The following ZC3H7B variants were observed in gnomAD, a reference collection of about 807,000 sequenced individuals.
The protein encoded by ZC3H7B is zinc finger CCCH domain-containing protein 7B.
A neutral mutation model predicts 116.0 loss-of-function variants in ZC3H7B; 35 were observed. That is an observed-to-expected ratio of 0.30 (90% CI 0.23 to 0.40). The LOEUF (loss-of-function observed/expected upper bound fraction) is 0.40. ZC3H7B is among the 10% of genes least tolerant of loss of function. ZC3H7B has a pLI of 1.00. For synonymous variants in ZC3H7B, 502 were observed against 545.6 expected (o/e 0.92, Z 1.11); for missense variants, 1,011 against 1,321.5 (o/e 0.77, Z 3.64).
At chr22:41,324,679 G>A (rs1028887745) in intron 2 of ZC3H7B, among the ~76,000 whole-genome samples, 3 of 152,156 alleles carry the variant, frequency 2.0e-5, no homozygotes, top group Non-Finnish European at 2.9e-5. Flanking sequence ...GATTTGTTGA[G>A]TCCAGCATGA....
At chr22:41,348,677 A>G (rs2036619504) in intron 15 of ZC3H7B, among the ~76,000 whole-genome samples, 1 of 152,172 alleles carries the variant, frequency 6.6e-6, no homozygotes, top group African/African-American at 2.4e-5. Flanking sequence ...CCTGGGTCCA[A>G]TTCCTGGGCC....
At chr22:41,309,566 C>T (rs1455919840) in intron 1 of ZC3H7B, among the ~76,000 whole-genome samples, 2 of 152,088 alleles carry the variant, frequency 1.3e-5, no homozygotes, top group African/African-American at 4.8e-5. Flanking sequence ...CTGCCCACCT[C>T]AGCCTCCCAA....
chr22:41,313,436 C>T (rs2036143925), intron 1 of ZC3H7B, among the ~76,000 whole-genome samples: 1 of 152,090 alleles, frequency 6.6e-6, no homozygotes, highest in Admixed American at 6.6e-5. Flanking sequence ...CTTACCAAAG[C>T]CAATCACTGG....
chr22:41,338,210 T>C lies in ZC3H7B; in HGVS notation c.583-103T>C. Reference sequence around the variant, plus strand: ...TCTCCCCTGGCACTCTAAGTGCTCCTCGGTGCTGGGTCAACAGCATAGTCA... The same window carrying C: ...TCTCCCCTGGCACTCTAAGTGCTCCCCGGTGCTGGGTCAACAGCATAGTCA... On this transcript the variant is annotated intron_variant, in intron 7 of 22. Coordinates refer to ENST00000352645, the MANE Select transcript of ZC3H7B (RefSeq NM_017590.6). The surrounding 1 kb of genome is among the most constrained non-coding windows in gnomAD (Gnocchi z 4.5). 1 of 1,266,080 alleles carries C rather than the reference T, an allele frequency of 7.9e-7. No individual in the cohort carries two copies. Among genetic ancestry groups the C allele is most frequent in the Non-Finnish European group, 1.1e-6 (1 of 903,428 alleles). 78.4% of individuals were successfully genotyped at this position (1,266,080 alleles called of 1,614,324 possible).
chr22:41,338,427 C>A lies in ZC3H7B; in HGVS notation c.625+72C>A. 1.3e-6 allele frequency: 2 copies of A among 1,529,746 alleles called. No homozygotes were observed. Among genetic ancestry groups the A allele is most frequent in the South Asian group, 1.2e-5 (1 of 85,460 alleles). 94.8% of individuals were successfully genotyped at this position (1,529,746 alleles called of 1,614,324 possible). On this transcript the variant is annotated intron_variant, in intron 8 of 22. Coordinates refer to ENST00000352645, the MANE Select transcript of ZC3H7B (RefSeq NM_017590.6). The surrounding 1 kb of genome is among the most constrained non-coding windows in gnomAD (Gnocchi z 4.5). ...AGGTCAGGGGAGTCGAGCCCCCTCC[C>A]CATCCCAGCCCTGTAGATGGGAGGG...
rs2036739586 is a variant in ZC3H7B at position 41,357,583 on chromosome 22, C to T, written c.*154C>T. 3.7e-6 allele frequency: 4 copies of T among 1,082,416 alleles called. No homozygotes were observed. The highest frequency in any genetic ancestry group is 5.1e-6 in the Non-Finnish European group (4 of 778,626). 67.1% of individuals were successfully genotyped at this position (1,082,416 alleles called of 1,614,324 possible). On this transcript the variant is annotated 3_prime_UTR_variant, in exon 23 of 23. Coordinates refer to ENST00000352645, the MANE Select transcript of ZC3H7B (RefSeq NM_017590.6). This position sits in a 1 kb window ranked among gnomAD's most constrained non-coding sequence, Gnocchi z 5.4. ...GAGGCCCTGTCCATCTTCTCCCCACCACCGCCCCGGTGTGCGTACCCAGGC... is the reference window on the plus strand; with the variant it reads ...GAGGCCCTGTCCATCTTCTCCCCACTACCGCCCCGGTGTGCGTACCCAGGC...
At position 41,351,249 on chromosome 22, in the gene ZC3H7B, C is replaced by G. The variant is rs1370983659; in HGVS notation, c.1949-312C>G. Among the ~76,000 whole-genome samples the G allele has an allele frequency of 6.6e-6, 1 of 152,158 alleles. No individual in the cohort carries two copies. Among genetic ancestry groups the G allele is most frequent in the African/African-American group, 2.4e-5 (1 of 41,440 alleles). On this transcript the variant is annotated intron_variant, in intron 16 of 22. Transcript: ENST00000352645. The surrounding 1 kb of genome is among the most constrained non-coding windows in gnomAD (Gnocchi z 5.1). Reference sequence around the variant, plus strand: ...AGGGAAGGGTGCTGAGTCACCGGCCCAAGAGACAGGGTCACTGGCATGGGA... The same window carrying G: ...AGGGAAGGGTGCTGAGTCACCGGCCGAAGAGACAGGGTCACTGGCATGGGA...
rs538200980 is a variant in ZC3H7B, at chr22:41,341,481, T to C, written c.1197+335T>C. On this transcript the variant is annotated intron_variant, in intron 11 of 22. Transcript: ENST00000352645. The stretch of plus-strand genomic sequence containing the variant: ...CATCTGGGCCGGGCGCGGTGGCTCA[T>C]GCCTGTAATCCCAGCACTTTGGGAG... Among the ~76,000 whole-genome samples the C allele has an allele frequency of 1.2e-3, 176 of 152,282 alleles. 11 individuals carry two copies. In the South Asian group the frequency reaches 0.035, roughly 30 times the overall value.
intron 5 of ZC3H7B, among the ~76,000 whole-genome samples, chr22:41,329,284 G>A (rs1601777163): frequency 1.4e-5 from 2 of 148,126 alleles, no homozygotes; most frequent in African/African-American, 5.0e-5. Context: ...TTTGAGACAG[G>A]GTCTTGCTCT....
intron 11 of ZC3H7B, 77 bp downstream of exon 11, chr22:41,341,223 C>A: frequency 6.4e-7 from 1 of 1,560,022 alleles, no homozygotes; most frequent in East Asian, 2.3e-5. Context: ...GGAATGAGCC[C>A]TCTGCATGGG....
intron 17 of ZC3H7B, among the ~76,000 whole-genome samples, chr22:41,354,718 C>A (rs1196504817): frequency 6.6e-6 from 1 of 152,198 alleles, no homozygotes; most frequent in Non-Finnish European, 1.5e-5. Flanking sequence ...GCAGAGTGAG[C>A]ATTTTTCCTA....
At chr22:41,332,059 G>T in intron 6 of ZC3H7B, 112 bp from the exon 7 acceptor site, 2 of 1,106,082 alleles carry the variant, frequency 1.8e-6, no homozygotes, top group Non-Finnish European at 1.3e-6. Flanking sequence ...TCTCGGGGGC[G>T]CTGCAGACCC....
At chr22:41,345,908 G>A in intron 13 of ZC3H7B, 95 bp from the exon 14 acceptor site, 1 of 1,322,472 alleles carries the variant, frequency 7.6e-7, no homozygotes, top group African/African-American at 1.4e-5. Flanking sequence ...CCTGGCTCAT[G>A]GGGCCAGAGC....
rs2036740314 is a variant in ZC3H7B, at chr22:41,357,603, C to T, written c.*174C>T. ...CCCACCACCGCCCCGGTGTGCGTAC[C>T]CAGGCGCACGTGCTGCAGCCCCCGG... On this transcript the variant is annotated 3_prime_UTR_variant, in exon 23 of 23. Transcript: ENST00000352645. This position sits in a 1 kb window ranked among gnomAD's most constrained non-coding sequence, Gnocchi z 5.4. The T allele has an allele frequency of 1.1e-6, 1 of 913,816 alleles. No individual in the cohort carries two copies. Among genetic ancestry groups the T allele is most frequent in the Admixed American group, 2.9e-5 (1 of 34,242 alleles). The allele number at this position is 913,816 out of a possible 1,614,324, so 56.6% of individuals were successfully genotyped here.
intron 1 of ZC3H7B, among the ~76,000 whole-genome samples, chr22:41,304,930 G>A (rs189123687): frequency 5.1e-4 from 78 of 152,242 alleles, no homozygotes; most frequent in Admixed American, 3.1e-3. Flanking sequence ...TCTCAGATAC[G>A]TAAGCAAGAA....
intron 1 of ZC3H7B, among the ~76,000 whole-genome samples, chr22:41,312,990 T>C (rs968804714): frequency 6.6e-6 from 1 of 152,196 alleles, no homozygotes; most frequent in Non-Finnish European, 1.5e-5. Flanking sequence ...TGTGTCAAAG[T>C]GAAAGGACAT....
intron 1 of ZC3H7B, among the ~76,000 whole-genome samples, chr22:41,313,953 CTA>C (rs1179654960): frequency 6.6e-6 from 1 of 151,258 alleles, no homozygotes; most frequent in Non-Finnish European, 1.5e-5. Flanking sequence ...CGGGTTTTCA[CTA>C]TGTTGGCCAG....
At chr22:41,329,031 C>CAAAA (rs905189346) in intron 5 of ZC3H7B, among the ~76,000 whole-genome samples, 4 of 40,482 alleles carry the variant, frequency 9.9e-5, no homozygotes, top group Non-Finnish European at 1.7e-4. Flanking sequence ...TACTAAAATA[C>CAAAA]AAAAAAAAAA....
intron 7 of ZC3H7B, chr22:41,334,648 A>G (rs542867523): frequency 6.6e-6 from 1 of 152,458 alleles, no homozygotes; most frequent in East Asian, 1.9e-4. Context: ...GAGCACACAC[A>G]TGTGCACATG....
Sources: allele counts gnomAD v4.1 joint callset (sites outside exome capture counted in the v4.1 genomes callset), GRCh38; gene constraint gnomAD v4.1.1; non-coding constraint Gnocchi (gnomAD v3.1); transcripts MANE v1.5; gene names NCBI Gene and HGNC (gene_info 2026-07-23, HGNC 2026-07-21).